Variants in AZIN2 observed in about 807,000 individuals in gnomAD.
The protein encoded by AZIN2 is ODC antizyme inhibitor-2.
AZIN2 carries 28 observed loss-of-function variants against 47.8 expected under a neutral mutation model. The observed-to-expected ratio is 0.59, with a 90% CI of 0.43 to 0.80. The LOEUF is 0.80. Among genes scored for constraint, AZIN2 ranks in the 30% least tolerant of loss-of-function variants. The pLI is 0.00. For missense variants in AZIN2, 535 were observed against 582.5 expected, an observed-to-expected ratio of 0.92 and a Z score of 0.84; for synonymous variants, 221 against 239.4, an observed-to-expected ratio of 0.92 and a Z score of 0.71.
At chr1:33,084,540 C>G (rs1165649850) in intron 5 of AZIN2, among the ~76,000 whole-genome samples, 4 of 152,046 alleles carry the variant, frequency 2.6e-5, no homozygotes, top group African/African-American at 9.7e-5. Flanking sequence ...GCCACCAATT[C>G]TGTCTTTCTA....
At chr1:33,124,412 G>T (rs1570249038), downstream of AZIN2, among the ~76,000 whole-genome samples, 1 of 151,588 alleles carries the variant, frequency 6.6e-6, no homozygotes, top group African/African-American at 2.4e-5. This position sits in a 1 kb window ranked among gnomAD's most constrained non-coding sequence, Gnocchi z 4.6. Flanking sequence ...ATAAAAAAAA[G>T]AAAAAAAAGT....
downstream of AZIN2, among the ~76,000 whole-genome samples, chr1:33,126,757 T>TG (rs1365457273): frequency 6.6e-6 from 1 of 152,120 alleles, no homozygotes; most frequent in Non-Finnish European, 1.5e-5. Context: ...TAGGTGACCT[T>TG]GGGGTAGGAT....
Position 33,092,235 on chromosome 1 carries a change from C to T in AZIN2, c.452+13C>T. The T allele has an allele frequency of 1.9e-6, 3 of 1,612,022 alleles. No individual in the cohort carries two copies. The highest frequency in any genetic ancestry group is 2.5e-6 in the Non-Finnish European group (3 of 1,179,060). The stretch of plus-strand genomic sequence containing the variant: ...ACCCCAGTGCCAAGTAAGCTGAGAA[C>T]CACTCATGGGGAGGCTGGGCTGTGG... On this transcript the variant is annotated intron_variant, in intron 6 of 11. Coordinates refer to ENST00000294517, the MANE Select transcript of AZIN2 (RefSeq NM_052998.4).
chr1:33,136,174 C>CCTTCCTTCCTTT, the AZIN2 span, among the ~76,000 whole-genome samples: 1 of 148,396 alleles, frequency 6.7e-6, no homozygotes, highest in Non-Finnish European at 1.5e-5. Context: ...TTCCTTCCTT[C>CCTTCCTTCCTTT]CCTCCCTCTC....
chr1:33,121,504 G>A lies in AZIN2; in HGVS notation c.*1322G>A, dbSNP rs1644794703. Reference sequence around the variant, plus strand: ...CTTGAACAGGGAGGTGGAGGTCGCAGTGAGCCGAGGTTGCAGTGAGCCGAG... The same window carrying A: ...CTTGAACAGGGAGGTGGAGGTCGCAATGAGCCGAGGTTGCAGTGAGCCGAG... On this transcript the variant is annotated 3_prime_UTR_variant, in exon 12 of 12. Coordinates refer to ENST00000294517, the MANE Select transcript of AZIN2 (RefSeq NM_052998.4). 6.6e-6 allele frequency among the ~76,000 whole-genome samples: 1 copy of A among 152,200 alleles called. No individual in the cohort carries two copies. Among genetic ancestry groups the A allele is most frequent in the Non-Finnish European group, 1.5e-5 (1 of 68,032 alleles).
At chr1:33,118,386 T>C (rs1644662510) in intron 11 of AZIN2, 1 of 333,700 alleles carries the variant, frequency 3.0e-6, no homozygotes, top group Non-Finnish European at 5.4e-6. Flanking sequence ...GAGCCCTCCC[T>C]GAGGCCCAGG....
intron 10 of AZIN2, chr1:33,102,032 G>GA (rs1313493677): frequency 1.6e-6 from 1 of 628,622 alleles, no homozygotes; most frequent in Non-Finnish European, 2.9e-6. Context: ...GCAAGGAGTG[G>GA]AATGGCTGGG....
chr1:33,102,039 T>G, intron 10 of AZIN2: 4 of 624,580 alleles, frequency 6.4e-6, no homozygotes. Flanking sequence ...GTGGAATGGC[T>G]GGGTATAGGG....
chr1:33,095,145 G>T (rs1363191741), intron 8 of AZIN2, among the ~76,000 whole-genome samples: 1 of 152,180 alleles, frequency 6.6e-6, no homozygotes, highest in Non-Finnish European at 1.5e-5. Context: ...ACTGTGAGGT[G>T]AAGTTAAGAA....
At position 33,122,419 on chromosome 1, in the gene AZIN2, C is replaced by T. The variant is rs144166022; in HGVS notation, c.*2237C>T. On this transcript the variant is annotated 3_prime_UTR_variant, in exon 12 of 12. Transcript: ENST00000294517. ...AATTTACTTTTCCAAGAAAGATACACGCAGAACTTGATGTGGCTTACTTGA... is the reference window on the plus strand; with the variant it reads ...AATTTACTTTTCCAAGAAAGATACATGCAGAACTTGATGTGGCTTACTTGA... Among the ~76,000 whole-genome samples, 7 of 151,930 alleles carry T rather than the reference C, an allele frequency of 4.6e-5. No individual in the cohort carries two copies. The highest frequency in any genetic ancestry group is 1.9e-4 in the East Asian group (1 of 5,170).
chr1:33,158,688 A>G, the AZIN2 span, among the ~76,000 whole-genome samples: 2 of 152,218 alleles, frequency 1.3e-5, no homozygotes, highest in Non-Finnish European at 2.9e-5. Flanking sequence ...AGCAATCAGT[A>G]TTGATCACCA....
At chr1:33,126,165 T>C (rs1644855257), downstream of AZIN2, among the ~76,000 whole-genome samples, 1 of 152,250 alleles carries the variant, frequency 6.6e-6, no homozygotes, top group South Asian at 2.1e-4. Flanking sequence ...CACTGCTGGG[T>C]CCACAGTGCC....
At chr1:33,096,992 TCTTG>T in intron 9 of AZIN2, 123 bp downstream of exon 9, 3 of 1,229,026 alleles carry the variant, frequency 2.4e-6, no homozygotes, top group Non-Finnish European at 3.4e-6. Context: ...ATGAATGGGT[TCTTG>T]CTTTAGGGAA....
Position 33,081,408 on chromosome 1 carries a change from C to A in AZIN2, c.-385C>A, listed in dbSNP as rs972087922. On this transcript the variant is annotated 5_prime_UTR_variant, in exon 2 of 12. It adds an upstream start codon to the 5' untranslated region. Transcript: ENST00000294517. The surrounding 1 kb of genome is among the most constrained non-coding windows in gnomAD (Gnocchi z 4.2). ...GTCAGCAGAGGCCTCGGCTCCGCAA[C>A]TGCCACTCCTCCTCGGGGTGTTGCA... 6.5e-6 allele frequency: 1 copy of A among 152,966 alleles called. No individual in the cohort carries two copies. Among genetic ancestry groups the A allele is most frequent in the Non-Finnish European group, 1.5e-5 (1 of 68,302 alleles). 9.5% of individuals were successfully genotyped at this position (152,966 alleles called of 1,614,324 possible). A position where few individuals can be genotyped will look rare whatever the true frequency, so the allele number is the denominator to read the frequency against.
intron 10 of AZIN2, among the ~76,000 whole-genome samples, chr1:33,115,703 A>C (rs1644509182): frequency 6.6e-6 from 1 of 152,054 alleles, no homozygotes; most frequent in Admixed American, 6.6e-5. Flanking sequence ...ACTCTGTCTC[A>C]AAAAAAAGTT....
the AZIN2 span, chr1:33,159,754 A>C: frequency 1.2e-6 from 2 of 1,613,426 alleles, no homozygotes; most frequent in Non-Finnish European, 1.7e-6. The surrounding 1 kb of genome is among the most constrained non-coding windows in gnomAD (Gnocchi z 4.2). Flanking sequence ...CCGCTCCTGC[A>C]GGATCTGGGC....
the AZIN2 span, among the ~76,000 whole-genome samples, chr1:33,162,196 CATA>C: frequency 6.6e-6 from 1 of 152,172 alleles, no homozygotes; most frequent in Non-Finnish European, 1.5e-5. Context: ...CTCCTTGACA[CATA>C]GTAAAATGCT....
chr1:33,120,976 G>C lies in AZIN2; in HGVS notation c.*794G>C, dbSNP rs1644781905. On this transcript the variant is annotated 3_prime_UTR_variant, in exon 12 of 12. Coordinates refer to ENST00000294517, the MANE Select transcript of AZIN2 (RefSeq NM_052998.4). The stretch of plus-strand genomic sequence containing the variant: ...GGCAGTCAGAGTAAAGCAGACACCT[G>C]GTGGTCGCTTTTGCTTCTTTGGGCA... Among the ~76,000 whole-genome samples the C allele has an allele frequency of 6.6e-6, 1 of 152,238 alleles. No homozygotes were observed. Among genetic ancestry groups the C allele is most frequent in the African/African-American group, 2.4e-5 (1 of 41,462 alleles).
chr1:33,130,326 G>T, the AZIN2 span, among the ~76,000 whole-genome samples: 1 of 152,220 alleles, frequency 6.6e-6, no homozygotes, highest in Non-Finnish European at 1.5e-5. Context: ...AATAGAATAT[G>T]TTAGAAGTGA....
Sources: allele counts gnomAD v4.1 joint callset (sites outside exome capture counted in the v4.1 genomes callset), GRCh38; gene constraint gnomAD v4.1.1; non-coding constraint Gnocchi (gnomAD v3.1); transcripts MANE v1.5; gene names NCBI Gene and HGNC (gene_info 2026-07-23, HGNC 2026-07-21).